MYH11: variants seen among roughly 807,000 people sequenced by gnomAD.
The protein encoded by MYH11 is myosin heavy chain 11.
MYH11 carries 80 observed loss-of-function variants against 246.6 expected under a neutral mutation model. The observed-to-expected ratio is 0.32, with a 90% CI of 0.27 to 0.39. The LOEUF (loss-of-function observed/expected upper bound fraction) is 0.39. Among genes scored for constraint, MYH11 ranks in the 10% least tolerant of loss-of-function variants. The probability of loss-of-function intolerance (pLI) is 1.00; values close to 1 mark genes in which losing one functional copy is unlikely to be tolerated. For synonymous variants in MYH11, 1,071 were observed against 1,015.5 expected, an observed-to-expected ratio of 1.05 and a Z score of -1.04; for missense variants, 2,158 against 2,546.8, an observed-to-expected ratio of 0.85 and a Z score of 3.29.
chr16:15,712,882 G>GTTTTGTTTTTTTTTTTTTTTTTTTT (rs2039887695), intron 40 of MYH11: 8 of 90,634 alleles, frequency 8.8e-5, no homozygotes, highest in African/African-American at 2.7e-4. Context: ...TTCACATACA[G>GTTTTGTTTTTTTTTTTTTTTTTTTT]TTTTTTTTTT....
At chr16:15,824,421 G>A (rs1241023287) in intron 2 of MYH11, among the ~76,000 whole-genome samples, 1 of 152,106 alleles carries the variant, frequency 6.6e-6, no homozygotes, top group African/African-American at 2.4e-5. Flanking sequence ...GGTACCACAG[G>A]TGTGCACAAC....
At chr16:15,853,797 C>T (rs1383182131) in intron 1 of MYH11, among the ~76,000 whole-genome samples, 2 of 152,070 alleles carry the variant, frequency 1.3e-5, no homozygotes, top group Admixed American at 6.5e-5. Context: ...CCAAGCCAGG[C>T]GAATCACTTG....
rs934815328 is a variant in MYH11, at chr16:15,720,836, C to T, written c.4791+3G>A. On this transcript the variant is annotated splice_donor_region_variant and intron_variant, in intron 33 of 40. Transcript: ENST00000300036. ...CTCTGCTGGCCTCCCCGGCAGCACG[C>T]ACCTGTCTCTGCAGTTGCCTCCTCT... The T allele has an allele frequency of 3.7e-6, 6 of 1,613,334 alleles. No individual in the cohort carries two copies. Among genetic ancestry groups the T allele is most frequent in the East Asian group, 2.2e-5 (1 of 44,858 alleles).
intron 3 of MYH11, among the ~76,000 whole-genome samples, chr16:15,802,204 G>A (rs2042904204): frequency 6.6e-6 from 1 of 152,196 alleles, no homozygotes; most frequent in Admixed American, 6.5e-5. Context: ...CACCGCATTA[G>A]GATCCCACTA....
intron 9 of MYH11, among the ~76,000 whole-genome samples, chr16:15,765,265 G>A (rs1217290237): frequency 1.3e-5 from 2 of 152,074 alleles, no homozygotes; most frequent in Non-Finnish European, 2.9e-5. Flanking sequence ...AGGATAGATG[G>A]ATGAATAGAG....
chr16:15,738,735 C>G, intron 23 of MYH11, 47 bp from the exon 24 acceptor site: 2 of 1,603,078 alleles, frequency 1.2e-6, no homozygotes, highest in Non-Finnish European at 8.5e-7. Flanking sequence ...TTTCTTTTCT[C>G]TAGAATCTAT....
chr16:15,711,770 G>A (rs936184376), intron 40 of MYH11, among the ~76,000 whole-genome samples: 2 of 152,098 alleles, frequency 1.3e-5, no homozygotes, highest in Non-Finnish European at 1.5e-5. Flanking sequence ...TCAGCTCACT[G>A]TAACCTGTGT....
Position 15,703,823 on chromosome 16 carries a change from T to G in MYH11, c.*168A>C. The G allele has an allele frequency of 1.1e-6, 1 of 912,012 alleles. No individual in the cohort carries two copies. The highest frequency in any genetic ancestry group is 1.6e-5 in the African/African-American group (1 of 60,838). The allele number at this position is 912,012 out of a possible 1,614,324, so 56.5% of individuals were successfully genotyped here. On this transcript the variant is annotated 3_prime_UTR_variant, in exon 41 of 41. Coordinates refer to ENST00000300036, the MANE Select transcript of MYH11 (RefSeq NM_002474.3). ...GGCTGGAGGGTGGTGGTTTTTATAT[T>G]CCTTGTGTGAGGGGTGTCTGTGATA...
At chr16:15,827,651 A>G (rs2043607785) in intron 2 of MYH11, among the ~76,000 whole-genome samples, 1 of 152,150 alleles carries the variant, frequency 6.6e-6, no homozygotes, top group Admixed American at 6.5e-5. Context: ...TCTCCTCTTC[A>G]GTCCCAGCAC....
Position 15,853,998 on chromosome 16 carries a change from T to C in MYH11, c.-18+2943A>G, listed in dbSNP as rs138202161. 2.9e-3 allele frequency among the ~76,000 whole-genome samples: 439 copies of C among 152,190 alleles called. 11 individuals are homozygous for C. The East Asian group carries it at 0.056, about 19-fold the overall frequency. On this transcript the variant is annotated intron_variant, in intron 1 of 40. Transcript: ENST00000300036. ...GTGAGCCAAGATCGCACCACTGCACTCCAGCCTGGGCGACAGAGCAAGACT... is the reference window on the plus strand; with the variant it reads ...GTGAGCCAAGATCGCACCACTGCACCCCAGCCTGGGCGACAGAGCAAGACT...
chr16:15,852,349 T>TTC (rs2044351496), intron 1 of MYH11, among the ~76,000 whole-genome samples: 1 of 151,142 alleles, frequency 6.6e-6, no homozygotes, highest in Non-Finnish European at 1.5e-5. Flanking sequence ...TTTTTTTTTT[T>TTC]TTGAGACCGA....
intron 40 of MYH11, among the ~76,000 whole-genome samples, chr16:15,711,878 A>G (rs1377571220): frequency 2.0e-5 from 3 of 152,136 alleles, no homozygotes; most frequent in East Asian, 3.9e-4. Flanking sequence ...TTTTTAGTAG[A>G]GACGGGGTTT....
At chr16:15,782,345 C>G in intron 6 of MYH11, 40 bp downstream of exon 6, 3 of 1,586,854 alleles carry the variant, frequency 1.9e-6, no homozygotes, top group Non-Finnish European at 2.6e-6. Flanking sequence ...GAGATGACAC[C>G]AAAGCTTTTC....
rs757965375 is a variant in MYH11 at position 15,721,072 on chromosome 16, C to T, written c.4579-21G>A. 1.7e-5 allele frequency: 27 copies of T among 1,611,982 alleles called. 1 individual carries two copies. In the South Asian group the frequency reaches 2.9e-4, roughly 17 times the overall value. On this transcript the variant is annotated intron_variant, in intron 32 of 40. Transcript: ENST00000300036. ...TGGACCTGCCGGCAGAGCGGGCAGCCCCATTCTATGAGGCTCAACTTCATG... is the reference window on the plus strand; with the variant it reads ...TGGACCTGCCGGCAGAGCGGGCAGCTCCATTCTATGAGGCTCAACTTCATG...
chr16:15,736,518 A>G (rs1040638443), intron 25 of MYH11, among the ~76,000 whole-genome samples: 16 of 152,138 alleles, frequency 1.1e-4, no homozygotes, highest in South Asian at 2.1e-4. Flanking sequence ...GCCTCAAGCA[A>G]TCCCCCCACC....
At chr16:15,828,147 G>A (rs1171502726) in intron 2 of MYH11, among the ~76,000 whole-genome samples, 1 of 152,120 alleles carries the variant, frequency 6.6e-6, no homozygotes, top group Non-Finnish European at 1.5e-5. Context: ...GTGTGACCCT[G>A]GGCAAGTCCC....
intron 40 of MYH11, chr16:15,711,298 T>A (rs1200038764): frequency 6.6e-6 from 1 of 152,202 alleles, no homozygotes. Flanking sequence ...AGTCATTTCC[T>A]TTCCAACTCT....
chr16:15,725,230 T>C (rs927736722), intron 28 of MYH11: 13 of 602,898 alleles, frequency 2.2e-5, no homozygotes, highest in African/African-American at 3.7e-5. Context: ...GGCCCTAGAC[T>C]CTGTGGTTCT....
At chr16:15,807,475 G>A (rs1460359138) in intron 3 of MYH11, among the ~76,000 whole-genome samples, 3 of 152,156 alleles carry the variant, frequency 2.0e-5, no homozygotes, top group Admixed American at 2.0e-4. Flanking sequence ...AAGCCTTCAC[G>A]GCAGAGGTGA....
Sources: gnomAD v4.1 joint callset for allele counts (sites outside exome capture counted in the v4.1 genomes callset) on GRCh38, gnomAD v4.1.1 for gene constraint, MANE v1.5 for transcripts, NCBI Gene and HGNC (gene_info 2026-07-23, HGNC 2026-07-21) for gene names.